GSE1: variants seen among roughly 807,000 people sequenced by gnomAD.
The protein encoded by GSE1 is genetic suppressor element 1.
In GSE1, 32 loss-of-function variants were observed where a neutral mutation model predicts 112.6. The observed-to-expected ratio is 0.28, with a 90% CI of 0.21 to 0.38. The LOEUF (loss-of-function observed/expected upper bound fraction) is 0.38. Ranked by LOEUF, GSE1 falls within the 10% of genes least tolerant of loss-of-function variation. The pLI, the probability that GSE1 is intolerant of heterozygous loss-of-function variation, is 1.00. For missense variants in GSE1, 2,348 were observed against 1,699.2 expected (o/e 1.38, Z -6.71); for synonymous variants, 1,115 against 735.6 (o/e 1.52, Z -8.35).
At chr16:85,575,053 C>T (rs577359972) in intron 1 of GSE1, among the ~76,000 whole-genome samples, 3 of 152,058 alleles carry the variant, frequency 2.0e-5, no homozygotes, top group Non-Finnish European at 2.9e-5. Context: ...CCCTCTCCCC[C>T]GCCCCCCGGC....
chr16:85,601,575 C>G (rs866488190), intron 1 of GSE1, among the ~76,000 whole-genome samples: 8 of 152,298 alleles, frequency 5.3e-5, no homozygotes, highest in Middle Eastern at 6.8e-3. Flanking sequence ...CAGCGCGGGG[C>G]CGGCAGACAC....
intron 1 of GSE1, among the ~76,000 whole-genome samples, chr16:85,306,046 G>A (rs1319279505): frequency 2.6e-5 from 4 of 152,096 alleles, no homozygotes; most frequent in South Asian, 2.1e-4. Flanking sequence ...AGCCTAGATC[G>A]TGCCACTGCA....
intron 1 of GSE1, among the ~76,000 whole-genome samples, chr16:85,266,147 A>C (rs914011320): frequency 1.3e-5 from 2 of 152,082 alleles, no homozygotes; most frequent in African/African-American, 4.8e-5. Flanking sequence ...CACCCCACCC[A>C]TCTGACAGGG....
At chr16:85,231,159 TAGA>T (rs1904281598) in intron 1 of GSE1, among the ~76,000 whole-genome samples, 1 of 146,722 alleles carries the variant, frequency 6.8e-6, no homozygotes, top group South Asian at 2.2e-4. Flanking sequence ...GAAGGATGGA[TAGA>T]AGGACAGATG....
chr16:85,491,607 G>A (rs2051012546), intron 2 of GSE1, among the ~76,000 whole-genome samples: 1 of 152,160 alleles, frequency 6.6e-6, no homozygotes, highest in South Asian at 2.1e-4. Flanking sequence ...GCTGGAAGGA[G>A]CTTGGGCTCA....
chr16:85,351,741 G>C (rs1315534090), intron 1 of GSE1, among the ~76,000 whole-genome samples: 1 of 152,234 alleles, frequency 6.6e-6, no homozygotes, highest in Non-Finnish European at 1.5e-5. Context: ...TATAATCCCA[G>C]CACTTTGGGA....
intron 1 of GSE1, among the ~76,000 whole-genome samples, chr16:85,268,681 G>T (rs755842841): frequency 6.6e-6 from 1 of 152,174 alleles, no homozygotes; most frequent in Non-Finnish European, 1.5e-5. Context: ...GCCCCCCAAG[G>T]GCCTGGACAA....
At chr16:85,626,738 G>GC (rs1211160110) in intron 1 of GSE1, among the ~76,000 whole-genome samples, 1 of 152,206 alleles carries the variant, frequency 6.6e-6, no homozygotes, top group Non-Finnish European at 1.5e-5. Flanking sequence ...CCGGGGAAGA[G>GC]CCGGGATGAA....
rs2048192233 is a variant in GSE1, at chr16:85,614,028, G to T, written c.7+630G>T. 2.0e-5 allele frequency among the ~76,000 whole-genome samples: 3 copies of T among 151,968 alleles called. No homozygotes were observed. The South Asian group carries it at 6.2e-4, about 32-fold the overall frequency. ...CTTCCCGAGGAAGGGCGCGCCCCGG[G>T]CTCGGCCGCTTCTCTCCTCTCTCTC... On this transcript the variant is annotated intron_variant, in intron 1 of 15. Transcript: ENST00000253458.
upstream of GSE1, among the ~76,000 whole-genome samples, chr16:85,607,231 C>T (rs988353786): frequency 1.4e-4 from 22 of 152,040 alleles, no homozygotes; most frequent in African/African-American, 4.8e-4. Flanking sequence ...GGGGGTCACC[C>T]GTTTCAGGTT....
chr16:85,577,867 C>T (rs1329083879), intron 1 of GSE1, among the ~76,000 whole-genome samples: 1 of 152,244 alleles, frequency 6.6e-6, no homozygotes, highest in Non-Finnish European at 1.5e-5. Flanking sequence ...TTGCATTTCT[C>T]AGTTGAGCTG....
upstream of GSE1, chr16:85,613,101 C>G: frequency 4.0e-5 from 27 of 682,434 alleles, no homozygotes; most frequent in East Asian, 1.1e-4. Flanking sequence ...CCCGTCGGTG[C>G]GCGCGCGCGC....
At chr16:85,344,977 C>G (rs1282096647) in intron 1 of GSE1, among the ~76,000 whole-genome samples, 1 of 152,240 alleles carries the variant, frequency 6.6e-6, no homozygotes, top group African/African-American at 2.4e-5. Context: ...CCTCTTCTGT[C>G]AAGACTCAGC....
At chr16:85,394,494 G>A (rs1423942659) in intron 2 of GSE1, among the ~76,000 whole-genome samples, 2 of 152,152 alleles carry the variant, frequency 1.3e-5, no homozygotes, top group African/African-American at 4.8e-5. Context: ...TTCCTCGGAT[G>A]AGCGGCTTGA....
chr16:85,176,379 C>T lies in GSE1; in HGVS notation c.2283+4572C>T, dbSNP rs574569388. Among the ~76,000 whole-genome samples the T allele has an allele frequency of 1.6e-4, 24 of 152,350 alleles. 1 individual carries two copies. In the South Asian group the frequency reaches 4.3e-3, roughly 28 times the overall value. ...CATCTCAGGGGCAGGAGTTAGCTTG[C>T]ATGGGGCAGAGGCCCTGAGACGCCC... On this transcript the variant is annotated intron_variant, in intron 1 of 2. Coordinates refer to the GSE1 transcript ENST00000637419.
intron 2 of GSE1, among the ~76,000 whole-genome samples, chr16:85,364,707 T>G (rs565886239): frequency 6.6e-6 from 1 of 152,252 alleles, no homozygotes; most frequent in South Asian, 2.1e-4. Flanking sequence ...GCTGTGGCCT[T>G]CCAGTGACCC....
rs150652254 is a variant in GSE1, at chr16:85,330,457, C to T, written c.2284-27006C>T. Among the ~76,000 whole-genome samples, 15 of 152,336 alleles carry T rather than the reference C, an allele frequency of 9.8e-5. 1 individual carries two copies. In the East Asian group the frequency reaches 2.7e-3, roughly 27 times the overall value. On this transcript the variant is annotated intron_variant, in intron 1 of 2. Coordinates refer to the GSE1 transcript ENST00000637419. ...AGCAAGACCCAAGTCGGATTTCTGA[C>T]CTCCCAAGAGGGTGGATATGTGTTG...
At chr16:85,234,985 C>A (rs1904444879) in intron 1 of GSE1, among the ~76,000 whole-genome samples, 1 of 152,092 alleles carries the variant, frequency 6.6e-6, no homozygotes, top group Non-Finnish European at 1.5e-5. Context: ...AGAGGCCAAT[C>A]TGGGCCCTGA....
In GSE1 at chr16:85,633,959, C is replaced by A; in HGVS notation, c.53C>A (p.Thr18Asn). The change falls in exon 2 of 16, where the codon ACC becomes AAC. Residue 18 changes from threonine (T) to asparagine (N), a missense_variant. Physicochemically the swap from Thr to Asn is moderately conservative, Grantham distance 65. Coordinates refer to ENST00000253458, the MANE Select transcript of GSE1 (RefSeq NM_014615.5). Reference sequence around the variant, plus strand: ...TCCCCTTCGCTAGGGATGCTTTCCACCGCGACCAGGACCACCGCCACCGTC... The same window carrying A: ...TCCCCTTCGCTAGGGATGCTTTCCAACGCGACCAGGACCACCGCCACCGTC... ...PKSPSLGMLS[T>N]ATRTTATVNP... 6.2e-7 allele frequency: 1 copy of A among 1,613,136 alleles called. No individual in the cohort carries two copies. The highest frequency in any genetic ancestry group is 8.5e-7 in the Non-Finnish European group (1 of 1,179,746).
Sources: allele counts gnomAD v4.1 joint callset (sites outside exome capture counted in the v4.1 genomes callset), GRCh38; gene constraint gnomAD v4.1.1; transcripts MANE v1.5; gene names NCBI Gene and HGNC (gene_info 2026-07-23, HGNC 2026-07-21).